The following FBXO45 variants were observed in gnomAD, a reference collection of about 807,000 sequenced individuals.
FBXO45 encodes the protein F-box protein 45, also known as F-box/SPRY domain-containing protein 1.
In FBXO45, 3 loss-of-function variants were observed where a neutral mutation model predicts 25.5. The ratio of observed to expected loss-of-function variants is 0.12; its 90% CI spans 0.05 to 0.30. The LOEUF (loss-of-function observed/expected upper bound fraction) is 0.30. Ranked by LOEUF, FBXO45 falls within the 10% of genes least tolerant of loss-of-function variation. The probability of loss-of-function intolerance (pLI) is 1.00; values close to 1 mark genes in which losing one functional copy is unlikely to be tolerated. For synonymous variants in FBXO45, 155 were observed against 149.8 expected (o/e 1.03, Z -0.25); for missense variants, 219 against 365.0 (o/e 0.60, Z 3.26).
intron 2 of FBXO45, among the ~76,000 whole-genome samples, chr3:196,578,046 C>CTTTTTTTTTTTTTTTTTTT (rs775555553): frequency 2.1e-5 from 2 of 94,052 alleles, no homozygotes; most frequent in Admixed American, 1.4e-4. Context: ...GAAAAATATT[C>CTTTTTTTTTTTTTTTTTTT]TTTTTTTTTT....
intron 2 of FBXO45, among the ~76,000 whole-genome samples, chr3:196,581,098 TTTCTG>T (rs1736002446): frequency 6.6e-6 from 1 of 152,196 alleles, no homozygotes; most frequent in Non-Finnish European, 1.5e-5. Flanking sequence ...AATTAGATAA[TTTCTG>T]TTCTGTCTTC....
In FBXO45 at chr3:196,587,881, A is replaced by G. The variant is rs6583325; in HGVS notation, c.*3563A>G. 131,372 of 152,204 alleles carry G rather than the reference A, an allele frequency of 0.86. 56,824 individuals carry two copies. The highest frequency in any genetic ancestry group is 0.97 in the East Asian group (5,039 of 5,188). The allele number at this position is 152,204 out of a possible 1,614,324, so 9.4% of individuals were successfully genotyped here. A position where few individuals can be genotyped will look rare whatever the true frequency, so the allele number is the denominator to read the frequency against. On this transcript the variant is annotated 3_prime_UTR_variant, in exon 3 of 3. Coordinates refer to ENST00000311630, the MANE Select transcript of FBXO45 (RefSeq NM_001105573.2). Reference sequence around the variant, plus strand: ...CAACCTTTGCCACCCAGGTTCAAGCAATTCTCGTGCCTCAGCCTCCCGAGT... The same window carrying G: ...CAACCTTTGCCACCCAGGTTCAAGCGATTCTCGTGCCTCAGCCTCCCGAGT...
chr3:196,570,399 G>A (rs1005301024), intron 1 of FBXO45, among the ~76,000 whole-genome samples: 2 of 151,730 alleles, frequency 1.3e-5, no homozygotes, highest in Admixed American at 1.3e-4. Context: ...CACCATGCCC[G>A]GCTAATTTTG....
rs1735712164 is a variant in FBXO45, at chr3:196,568,994, C to CCGGCCCCGGGGGCTGGGG, written c.12_29dup (p.Pro6_Ala11dup). ...GCCGGCTGGTGAGGCGATGGCGGCG[C>CCGGCCCCGGGGGCTGGGG]CGGCCCCGGGGGCTGGGGCAGCCTC... On this transcript the variant is annotated inframe_insertion, in exon 1 of 3. Coordinates refer to ENST00000311630, the MANE Select transcript of FBXO45 (RefSeq NM_001105573.2). 47 of 991,026 alleles carry CCGGCCCCGGGGGCTGGGG rather than the reference C, an allele frequency of 4.7e-5. No homozygotes were observed. The highest frequency in any genetic ancestry group is 5.5e-5 in the Non-Finnish European group (46 of 834,616). The allele number at this position is 991,026 out of a possible 1,614,324, so 61.4% of individuals were successfully genotyped here.
At chr3:196,581,255 A>T (rs531908970) in intron 2 of FBXO45, among the ~76,000 whole-genome samples, 1 of 28,004 alleles carries the variant, frequency 3.6e-5, no homozygotes, top group African/African-American at 1.0e-4. Context: ...TTTTTTTGAG[A>T]CAGTCTCACT....
intron 1 of FBXO45, among the ~76,000 whole-genome samples, chr3:196,570,256 C>CT (rs1735780121): frequency 8.3e-6 from 1 of 119,932 alleles, no homozygotes; most frequent in Admixed American, 1.0e-4. Context: ...AAAACGATAA[C>CT]ATCCCCCCCT....
chr3:196,570,888 C>G (rs1441515988), intron 1 of FBXO45, among the ~76,000 whole-genome samples: 1 of 151,684 alleles, frequency 6.6e-6, no homozygotes, highest in Non-Finnish European at 1.5e-5. Flanking sequence ...ATTTTTTGTA[C>G]TTTCAGTAGA....
chr3:196,572,631 C>A (rs1319079486), intron 1 of FBXO45, among the ~76,000 whole-genome samples: 1 of 152,120 alleles, frequency 6.6e-6, no homozygotes, highest in Admixed American at 6.6e-5. Flanking sequence ...GTAGGGAAGC[C>A]ATTTTGAGTT....
rs752304459 is a variant in FBXO45 at position 196,584,191 on chromosome 3, G to A, written c.734G>A (p.Arg245His). ...DMEDKTLAFE[R>H]GYEFLGVAFR... Reference sequence around the variant, plus strand: ...GAAGATAAGACTTTAGCTTTTGAACGTGGATATGAGTTCCTGGGGGTTGCT... The same window carrying A: ...GAAGATAAGACTTTAGCTTTTGAACATGGATATGAGTTCCTGGGGGTTGCT... Residue 245 changes from arginine to histidine, a missense_variant, in exon 3 of 3, where the codon CGT becomes CAT. Physicochemically the swap from Arg to His is conservative, Grantham distance 29. Transcript: ENST00000311630. This position sits in a 1 kb window ranked among gnomAD's most constrained non-coding sequence, Gnocchi z 4.3. The A allele has an allele frequency of 1.9e-6, 3 of 1,613,810 alleles. No homozygotes were observed. Among genetic ancestry groups the A allele is most frequent in the African/African-American group, 1.3e-5 (1 of 74,912 alleles).
chr3:196,568,863 G>T lies in FBXO45; in HGVS notation c.-122G>T, dbSNP rs1242943391. 1.4e-6 allele frequency: 1 copy of T among 719,178 alleles called. No individual in the cohort carries two copies. Among genetic ancestry groups the T allele is most frequent in the Non-Finnish European group, 1.7e-6 (1 of 586,376 alleles). 44.5% of individuals were successfully genotyped at this position (719,178 alleles called of 1,614,324 possible). ...GGGCGGGAGTGGTGGAGGCGCCGGC[G>T]GTTGGCACTGACAGGGGCGGTGAGC... On this transcript the variant is annotated 5_prime_UTR_variant, in exon 1 of 3. Coordinates refer to ENST00000311630, the MANE Select transcript of FBXO45 (RefSeq NM_001105573.2).
rs1736077791 is a variant in FBXO45, at chr3:196,584,860, A to G, written c.*542A>G. ...ATTGTGCAGCTATTTTAAAAGTTGT[A>G]TATAATATGTGTGTAAAAAAAAAAA... On this transcript the variant is annotated 3_prime_UTR_variant, in exon 3 of 3. Coordinates refer to ENST00000311630, the MANE Select transcript of FBXO45 (RefSeq NM_001105573.2). The surrounding 1 kb of genome is among the most constrained non-coding windows in gnomAD (Gnocchi z 4.3). 6.7e-6 allele frequency: 1 copy of G among 148,622 alleles called. No individual in the cohort carries two copies. 9.2% of individuals were successfully genotyped at this position (148,622 alleles called of 1,614,324 possible). A position where few individuals can be genotyped will look rare whatever the true frequency, so the allele number is the denominator to read the frequency against.
chr3:196,583,281 G>A (rs748921177), intron 2 of FBXO45, among the ~76,000 whole-genome samples: 2 of 152,218 alleles, frequency 1.3e-5, no homozygotes, highest in African/African-American at 4.8e-5. Context: ...GCTGAGGCAG[G>A]TGGATCACGA....
At chr3:196,579,381 T>C (rs1735971424) in intron 2 of FBXO45, among the ~76,000 whole-genome samples, 1 of 152,204 alleles carries the variant, frequency 6.6e-6, no homozygotes, top group Non-Finnish European at 1.5e-5. Flanking sequence ...GTTTCCTCAC[T>C]ATCCTTTTAG....
In FBXO45 at chr3:196,569,062, G is replaced by C; in HGVS notation, c.78G>C (p.Ala26=). ...GCSGGGAGAG[A]GSGSGAAGAG... Reference sequence around the variant, plus strand: ...GCGGCGGCGGCGCGGGCGCGGGCGCGGGCTCGGGCTCTGGGGCCGCGGGGG... The same window carrying C: ...GCGGCGGCGGCGCGGGCGCGGGCGCCGGCTCGGGCTCTGGGGCCGCGGGGG... Residue 26 remains alanine (A), a synonymous_variant, in exon 1 of 3, where the codon GCG becomes GCC. Coordinates refer to ENST00000311630, the MANE Select transcript of FBXO45 (RefSeq NM_001105573.2). This position sits in a 1 kb window ranked among gnomAD's most constrained non-coding sequence, Gnocchi z 4.1. 8.3e-7 allele frequency: 1 copy of C among 1,205,938 alleles called. No homozygotes were observed. Among genetic ancestry groups the C allele is most frequent in the Non-Finnish European group, 1.0e-6 (1 of 964,886 alleles). 74.7% of individuals were successfully genotyped at this position (1,205,938 alleles called of 1,614,324 possible).
intron 2 of FBXO45, among the ~76,000 whole-genome samples, chr3:196,582,549 T>C (rs1736031158): frequency 6.6e-6 from 1 of 152,038 alleles, no homozygotes; most frequent in African/African-American, 2.4e-5. Context: ...TTGCAAACAT[T>C]AGGACTTTCT....
chr3:196,577,833 A>G (rs1176868185), intron 2 of FBXO45, 24 bp downstream of exon 2: 2 of 1,436,586 alleles, frequency 1.4e-6, no homozygotes, highest in East Asian at 2.4e-5. Context: ...GTTTTTCTCA[A>G]GTATGGGCCT....
rs1308706402 is a variant in FBXO45 at position 196,577,361 on chromosome 3, A to G, written c.319-92A>G. On this transcript the variant is annotated intron_variant, in intron 1 of 2. Transcript: ENST00000311630. ...TTATTTTAAAATATATAACTTCGTT[A>G]TTTAAAAACATACAGCGTGAAGTTT... 4 of 971,916 alleles carry G rather than the reference A, an allele frequency of 4.1e-6. No individual in the cohort carries two copies. In the African/African-American group the frequency reaches 4.9e-5, roughly 12 times the overall value. The allele number at this position is 971,916 out of a possible 1,614,324, so 60.2% of individuals were successfully genotyped here.
At chr3:196,582,762 A>G (rs2108729243) in intron 2 of FBXO45, among the ~76,000 whole-genome samples, 1 of 152,282 alleles carries the variant, frequency 6.6e-6, no homozygotes, top group Admixed American at 6.5e-5. Flanking sequence ...TAATAAGCCT[A>G]TTCTATATTC....
rs1175875980 is a variant in FBXO45, at chr3:196,585,978, A to G, written c.*1660A>G. ...ATTGTTGCCACCTGAAAAGTTTACA[A>G]GTATTTATTGTGTATTTGATACATT... On this transcript the variant is annotated 3_prime_UTR_variant, in exon 3 of 3. Transcript: ENST00000311630. 9 of 152,216 alleles carry G rather than the reference A, an allele frequency of 5.9e-5. No individual in the cohort carries two copies. The highest frequency in any genetic ancestry group is 9.6e-5 in the African/African-American group (4 of 41,452). The allele number at this position is 152,216 out of a possible 1,614,324, so 9.4% of individuals were successfully genotyped here.
Sources: allele counts gnomAD v4.1 joint callset (sites outside exome capture counted in the v4.1 genomes callset), GRCh38; gene constraint gnomAD v4.1.1; non-coding constraint Gnocchi (gnomAD v3.1); transcripts MANE v1.5; gene names NCBI Gene and HGNC (gene_info 2026-07-23, HGNC 2026-07-21).